TNFSF14: variants seen among roughly 807,000 people sequenced by gnomAD.
TNFSF14 encodes the protein TNF superfamily member 14.
Under a neutral mutation model 22.7 loss-of-function variants are expected in TNFSF14, and 15 were observed. That is an observed-to-expected ratio of 0.66 (90% CI 0.44 to 1.02). The LOEUF (loss-of-function observed/expected upper bound fraction) is 1.02. Ranked by LOEUF, TNFSF14 falls within the 50% of genes least tolerant of loss-of-function variation. The pLI is 0.00. For missense variants in TNFSF14, 287 were observed against 326.2 expected (o/e 0.88, Z 0.93); for synonymous variants, 133 against 139.6 (o/e 0.95, Z 0.33).
intron 3 of TNFSF14, among the ~76,000 whole-genome samples, chr19:6,666,454 C>T (rs1050606717): frequency 2.7e-5 from 4 of 150,936 alleles, no homozygotes; most frequent in African/African-American, 4.9e-5. Flanking sequence ...GAAACCAAAG[C>T]GGCACCTCGT....
intron 2 of TNFSF14, 53 bp downstream of exon 2, chr19:6,667,360 G>A (rs1293601387): frequency 6.6e-7 from 1 of 1,506,198 alleles, no homozygotes; most frequent in South Asian, 1.3e-5. Context: ...GAGGGGTGGG[G>A]GTGGCATGGG....
chr19:6,668,634 G>A (rs1565827), intron 1 of TNFSF14, among the ~76,000 whole-genome samples: 34,229 of 152,038 alleles, frequency 0.23, 4,250 homozygotes, highest in East Asian at 0.49. Flanking sequence ...ACTTGAACCT[G>A]GGAGGTGGGG....
chr19:6,664,811 A>G lies in TNFSF14; in HGVS notation c.*115T>C. ...TGCCTTGGCCTCCCAAAGTGCTGGGATTACAGGCGAGAGCCACCACGCCCA... is the reference window on the plus strand; with the variant it reads ...TGCCTTGGCCTCCCAAAGTGCTGGGGTTACAGGCGAGAGCCACCACGCCCA... On this transcript the variant is annotated 3_prime_UTR_variant, in exon 4 of 4. Transcript: ENST00000675206. This position sits in a 1 kb window ranked among gnomAD's most constrained non-coding sequence, Gnocchi z 4.7. 6 of 1,368,780 alleles carry G rather than the reference A, an allele frequency of 4.4e-6. No individual in the cohort carries two copies. The South Asian group carries it at 8.5e-5, about 19-fold the overall frequency. 84.8% of individuals were successfully genotyped at this position (1,368,780 alleles called of 1,614,324 possible).
intron 1 of TNFSF14, 25 bp from the exon 2 acceptor site, chr19:6,667,474 G>T (rs1917465808): frequency 1.3e-6 from 2 of 1,571,842 alleles, no homozygotes; most frequent in Admixed American, 2.1e-5. Flanking sequence ...GGGGCCTGCG[G>T]TAAGAACCTG....
Position 6,665,005 on chromosome 19 carries a change from A to G in TNFSF14, c.644T>C (p.Val215Ala). The change falls in exon 4 of 4, where the codon GTG (valine) becomes GCG (alanine). Residue 215 changes from valine to alanine, a missense_variant. Val to Ala is a moderately conservative substitution (Grantham distance 64, BLOSUM62 0). Transcript: ENST00000675206. The part of the protein sequence containing the change: ...GVVHLEAGEK[V>A]VVRVLDERLV... The stretch of plus-strand genomic sequence containing the variant: ...GCGTTCATCCAGCACACGGACGACC[A>G]CCTTCTCCCCAGCCTCCAGGTGTAC... The G allele has an allele frequency of 6.2e-7, 1 of 1,613,438 alleles. No individual in the cohort carries two copies. Among genetic ancestry groups the G allele is most frequent in the Non-Finnish European group, 8.5e-7 (1 of 1,179,628 alleles).
intron 2 of TNFSF14, 92 bp from the exon 3 acceptor site, chr19:6,667,246 A>G (rs1423104816): frequency 4.1e-6 from 6 of 1,450,866 alleles, no homozygotes; most frequent in Non-Finnish European, 5.5e-6. Context: ...CCTGGAATCA[A>G]CCCCACCCCT....
At position 6,665,005 on chromosome 19, in the gene TNFSF14, A is replaced by T; in HGVS notation, c.644T>A (p.Val215Glu). The change falls in exon 4 of 4, where the codon GTG (valine) becomes GAG (glutamate). Residue 215 changes from valine (V) to glutamate (E), a missense_variant. Physicochemically the swap from Val to Glu is moderately radical, Grantham distance 121. Transcript: ENST00000675206. ...GCGTTCATCCAGCACACGGACGACC[A>T]CCTTCTCCCCAGCCTCCAGGTGTAC... ...GVVHLEAGEK[V>E]VVRVLDERLV... is the part of the protein sequence containing the mutation. The T allele has an allele frequency of 6.2e-7, 1 of 1,613,438 alleles. No individual in the cohort carries two copies. The highest frequency in any genetic ancestry group is 8.5e-7 in the Non-Finnish European group (1 of 1,179,628).
chr19:6,670,342 G>A, upstream of TNFSF14: 1 of 1,212,224 alleles, frequency 8.2e-7, no homozygotes. Context: ...CAAGTGCAGT[G>A]GGGAGCCCCC....
intron 1 of TNFSF14, 144 bp downstream of exon 1, chr19:6,669,707 A>C: frequency 7.6e-7 from 1 of 1,309,836 alleles, no homozygotes; most frequent in Non-Finnish European, 1.0e-6. Flanking sequence ...CAACCAGTCA[A>C]GCCAGCTGCT....
In TNFSF14 at chr19:6,670,008, A is replaced by G. The variant is rs759729871; in HGVS notation, c.62T>C (p.Phe21Ser). 6.2e-7 allele frequency: 1 copy of G among 1,614,160 alleles called. No homozygotes were observed. The highest frequency in any genetic ancestry group is 8.5e-7 in the Non-Finnish European group (1 of 1,180,012). ...FVVDGQTDIP[F>S]TRLGRSHRRQ... is the part of the protein sequence containing the mutation. ...CCGGTGGCTTCGTCCCAGCCTCGTG[A>G]ATGGGATGTCGGTCTGTCCATCCAC... is the stretch of plus-strand genomic sequence containing the variant. The change falls in exon 1 of 4, where the codon TTC (phenylalanine) becomes TCC (serine). Residue 21 changes from phenylalanine to serine, a missense_variant. By Grantham distance (155) the Phe-to-Ser change is radical. Coordinates refer to ENST00000675206, the MANE Select transcript of TNFSF14 (RefSeq NM_001376887.1).
chr19:6,666,351 G>T (rs1046480547), intron 3 of TNFSF14, among the ~76,000 whole-genome samples: 1 of 147,536 alleles, frequency 6.8e-6, no homozygotes, highest in African/African-American at 2.5e-5. Context: ...GCCGTGAGCC[G>T]TGATAGCACC....
intron 3 of TNFSF14, among the ~76,000 whole-genome samples, chr19:6,665,894 C>T (rs1276305411): frequency 6.6e-6 from 1 of 151,916 alleles, no homozygotes; most frequent in Non-Finnish European, 1.5e-5. Context: ...CCTTCAGGCT[C>T]CCAAGTGCTG....
rs953026174 is a variant in TNFSF14 at position 6,662,647 on chromosome 19, C to G, written c.*2279G>C. On this transcript the variant is annotated 3_prime_UTR_variant, in exon 4 of 4. Transcript: ENST00000675206. ...AATACATTCACCTCTGGGGTCGAAA[C>G]CCATATCCTAGAATCCTAGGAACTA... 6.6e-6 allele frequency: 1 copy of G among 152,050 alleles called. No homozygotes were observed. Among genetic ancestry groups the G allele is most frequent in the Non-Finnish European group, 1.5e-5 (1 of 68,042 alleles). 9.4% of individuals were successfully genotyped at this position (152,050 alleles called of 1,614,324 possible).
chr19:6,668,664 C>A (rs532538842), intron 1 of TNFSF14, among the ~76,000 whole-genome samples: 5 of 151,906 alleles, frequency 3.3e-5, no homozygotes, highest in Non-Finnish European at 7.4e-5. Context: ...GCCAAGACTG[C>A]ACCACTACAC....
At position 6,663,481 on chromosome 19, in the gene TNFSF14, T is replaced by C. The variant is rs759930305; in HGVS notation, c.*1445A>G. The C allele has an allele frequency of 1.3e-5, 2 of 152,508 alleles. No homozygotes were observed. The highest frequency in any genetic ancestry group is 2.9e-5 in the Non-Finnish European group (2 of 68,126). The allele number at this position is 152,508 out of a possible 1,614,324, so 9.4% of individuals were successfully genotyped here. A position where few individuals can be genotyped will look rare whatever the true frequency, so the allele number is the denominator to read the frequency against. On this transcript the variant is annotated 3_prime_UTR_variant, in exon 4 of 4. Coordinates refer to ENST00000675206, the MANE Select transcript of TNFSF14 (RefSeq NM_001376887.1). ...GATGTTGTGTGTGTGTAATGTGTAT[T>C]TGTCATGGTGATATTGTGTGTGTGT...
In TNFSF14 at chr19:6,665,157, G is replaced by A. The variant is rs368639453; in HGVS notation, c.492C>T (p.His164=). 1.1e-5 allele frequency: 17 copies of A among 1,614,052 alleles called. No individual in the cohort carries two copies. The highest frequency in any genetic ancestry group is 5.5e-5 in the South Asian group (5 of 91,072). The stretch of plus-strand genomic sequence containing the variant: ...AGCGGGGTGTGCGCTTGTAGAGGCC[G>A]TGGGTGATGGTGCTGGCCAGGCCCA... The part of the protein sequence containing the change: ...CPLGLASTIT[H]GLYKRTPRYP... Residue 164 remains histidine (H), a synonymous_variant, in exon 4 of 4, where the codon CAC becomes CAT. Coordinates refer to ENST00000675206, the MANE Select transcript of TNFSF14 (RefSeq NM_001376887.1).
chr19:6,661,817 C>G lies in TNFSF14; in HGVS notation c.*3109G>C, dbSNP rs981678861. On this transcript the variant is annotated 3_prime_UTR_variant, in exon 4 of 4. Coordinates refer to ENST00000675206, the MANE Select transcript of TNFSF14 (RefSeq NM_001376887.1). ...ACTACTAACCAGCAATCATTTTCCT[C>G]CACCTATTCAACACAGAAGTACCTA... The G allele has an allele frequency of 2.6e-5, 4 of 152,222 alleles. No homozygotes were observed. Among genetic ancestry groups the G allele is most frequent in the Admixed American group, 2.6e-4 (4 of 15,282 alleles). The allele number at this position is 152,222 out of a possible 1,614,324, so 9.4% of individuals were successfully genotyped here.
rs1917371671 is a variant in TNFSF14 at position 6,665,128 on chromosome 19, G to A, written c.521C>T (p.Pro174Leu). The A allele has an allele frequency of 1.2e-6, 2 of 1,613,854 alleles. No individual in the cohort carries two copies. The highest frequency in any genetic ancestry group is 1.7e-6 in the Non-Finnish European group (2 of 1,179,924). ...GCTGACCAACAGCTCCAGCTCCTCG[G>A]GGTAGCGGGGTGTGCGCTTGTAGAG... ...HGLYKRTPRY[P>L]EELELLVSQQ... The change falls in exon 4 of 4, where the codon CCC becomes CTC. Residue 174 changes from proline (P) to leucine (L), a missense_variant. Pro to Leu is a moderately conservative substitution (Grantham distance 98). Transcript: ENST00000675206.
chr19:6,666,053 C>G (rs535297512), intron 3 of TNFSF14, among the ~76,000 whole-genome samples: 2 of 152,086 alleles, frequency 1.3e-5, no homozygotes, highest in African/African-American at 4.8e-5. Flanking sequence ...CCCTCTTTTG[C>G]AGGTGGGGAA....
Sources: gnomAD v4.1 joint callset for allele counts (sites outside exome capture counted in the v4.1 genomes callset) on GRCh38, gnomAD v4.1.1 for gene constraint, Gnocchi (gnomAD v3.1) non-coding constraint, MANE v1.5 for transcripts, NCBI Gene and HGNC (gene_info 2026-07-23, HGNC 2026-07-21) for gene names.